The following GLRA3 variants were observed in gnomAD, a reference collection of about 807,000 sequenced individuals.
GLRA3 encodes the protein glycine receptor alpha 3.
Under a neutral mutation model 60.4 loss-of-function variants are expected in GLRA3, and 44 were observed. The ratio of observed to expected loss-of-function variants is 0.73; its 90% CI spans 0.57 to 0.94. GLRA3 has a LOEUF of 0.94. Ranked by LOEUF, GLRA3 falls within the 40% of genes least tolerant of loss-of-function variation. The pLI, the probability that GLRA3 is intolerant of heterozygous loss-of-function variation, is 0.00. For synonymous variants in GLRA3, 223 were observed against 192.9 expected (o/e 1.16, Z -1.29); for missense variants, 508 against 564.6 (o/e 0.90, Z 1.02).
At chr4:174,778,817 T>A (rs1579592001) in intron 2 of GLRA3, among the ~76,000 whole-genome samples, 1 of 152,078 alleles carries the variant, frequency 6.6e-6, no homozygotes, top group South Asian at 2.1e-4. Context: ...GCTTGGAGGG[T>A]CCTACCCCAC....
intron 5 of GLRA3, 72 bp downstream of exon 5, chr4:174,715,416 C>T (rs912358729): frequency 9.6e-6 from 7 of 731,880 alleles, no homozygotes; most frequent in African/African-American, 9.0e-5. Context: ...ATAAATTATC[C>T]ATATTAGGCA....
intron 7 of GLRA3, among the ~76,000 whole-genome samples, chr4:174,662,120 C>G (rs1733471004): frequency 6.6e-6 from 1 of 152,074 alleles, no homozygotes; most frequent in Non-Finnish European, 1.5e-5. Context: ...TGCATATATT[C>G]CAGAGTTAAG....
intron 1 of GLRA3, among the ~76,000 whole-genome samples, chr4:174,819,024 T>C (rs965448773): frequency 6.6e-6 from 1 of 152,204 alleles, no homozygotes; most frequent in African/African-American, 2.4e-5. Context: ...ATCACTTGTT[T>C]ATAAAATCAA....
chr4:174,813,147 G>T (rs1740337153), intron 1 of GLRA3, among the ~76,000 whole-genome samples: 1 of 152,070 alleles, frequency 6.6e-6, no homozygotes, highest in Non-Finnish European at 1.5e-5. Flanking sequence ...TCAAATGTCT[G>T]AATTTGTTTC....
chr4:174,652,054 A>G (rs866027765), intron 9 of GLRA3, among the ~76,000 whole-genome samples: 4 of 152,048 alleles, frequency 2.6e-5, no homozygotes, highest in Middle Eastern at 3.2e-3. Flanking sequence ...AATTTTAAGC[A>G]TGGATGAAGC....
At chr4:174,711,443 A>AT (rs1234682915) in intron 5 of GLRA3, among the ~76,000 whole-genome samples, 1 of 107,564 alleles carries the variant, frequency 9.3e-6, no homozygotes, top group African/African-American at 2.9e-5. Context: ...ATATATATAT[A>AT]TATTTTTTTT....
At chr4:174,752,182 C>T (rs1395915133) in intron 3 of GLRA3, among the ~76,000 whole-genome samples, 1 of 152,018 alleles carries the variant, frequency 6.6e-6, no homozygotes, top group African/African-American at 2.4e-5. Flanking sequence ...TCTTGAGATG[C>T]ATATATAACA....
chr4:174,743,912 C>A (rs1737125108), intron 3 of GLRA3, among the ~76,000 whole-genome samples: 1 of 150,994 alleles, frequency 6.6e-6, no homozygotes, highest in Admixed American at 6.6e-5. Flanking sequence ...GACCCCCTCT[C>A]TTGATCCATA....
chr4:174,750,714 C>G (rs1203152752), intron 3 of GLRA3, among the ~76,000 whole-genome samples: 1 of 152,028 alleles, frequency 6.6e-6, no homozygotes, highest in Non-Finnish European at 1.5e-5. Context: ...ATAAATGGAG[C>G]AGCTTTGGAG....
intron 1 of GLRA3, among the ~76,000 whole-genome samples, chr4:174,802,862 CTTGATA>C (rs1163601974): frequency 1.3e-5 from 2 of 152,054 alleles, no homozygotes; most frequent in African/African-American, 4.8e-5. Flanking sequence ...TTTAACCAGG[CTTGATA>C]TTGCAGTAGT....
intron 3 of GLRA3, among the ~76,000 whole-genome samples, chr4:174,738,180 C>T (rs752914078): frequency 6.6e-6 from 1 of 152,128 alleles, no homozygotes; most frequent in Admixed American, 6.6e-5. Flanking sequence ...AATATTGCTG[C>T]CTCATTTAGG....
chr4:174,734,290 G>C (rs1429271992), intron 3 of GLRA3, among the ~76,000 whole-genome samples: 1 of 152,132 alleles, frequency 6.6e-6, no homozygotes, highest in Non-Finnish European at 1.5e-5. Context: ...CCATGCGTCA[G>C]GAAGCACAGA....
chr4:174,755,164 A>G (rs12502189), intron 3 of GLRA3, among the ~76,000 whole-genome samples: 143,912 of 152,124 alleles, frequency 0.95, 68,572 homozygotes, highest in East Asian at 1. Flanking sequence ...TTGTGTCAAG[A>G]ACACATAATG....
intron 3 of GLRA3, among the ~76,000 whole-genome samples, chr4:174,729,500 A>C (rs1265088424): frequency 1.3e-5 from 2 of 152,232 alleles, no homozygotes; most frequent in Non-Finnish European, 2.9e-5. Flanking sequence ...ATTTGGCTAA[A>C]GAGATTTCCC....
At chr4:174,684,832 A>G (rs1202985755) in intron 5 of GLRA3, among the ~76,000 whole-genome samples, 2 of 152,180 alleles carry the variant, frequency 1.3e-5, no homozygotes, top group Non-Finnish European at 2.9e-5. Flanking sequence ...ACATGGTGAA[A>G]GCCCGTTTCT....
intron 3 of GLRA3, among the ~76,000 whole-genome samples, chr4:174,750,255 G>A (rs1737414460): frequency 6.6e-6 from 1 of 152,108 alleles, no homozygotes; most frequent in Admixed American, 6.6e-5. Context: ...GATTGCTATA[G>A]GTGTGTTTAC....
chr4:174,687,784 G>C (rs1488993892), intron 5 of GLRA3, among the ~76,000 whole-genome samples: 1 of 151,926 alleles, frequency 6.6e-6, no homozygotes, highest in Non-Finnish European at 1.5e-5. Context: ...TGTGTCAGCT[G>C]TTTGGAAGAT....
intron 5 of GLRA3, among the ~76,000 whole-genome samples, chr4:174,699,845 ATAAT>A (rs1390173960): frequency 3.3e-5 from 5 of 150,868 alleles, no homozygotes; most frequent in Non-Finnish European, 5.9e-5. Context: ...TTATTAATTA[ATAAT>A]TAATGCATTA....
In GLRA3 at chr4:174,638,563, T is replaced by A. The variant is rs1271054212; in HGVS notation, c.*5223A>T. 4 of 152,400 alleles carry A rather than the reference T, an allele frequency of 2.6e-5. No homozygotes were observed. Among genetic ancestry groups the A allele is most frequent in the Admixed American group, 2.6e-4 (4 of 15,298 alleles). 9.4% of individuals were successfully genotyped at this position (152,400 alleles called of 1,614,324 possible). A position where few individuals can be genotyped will look rare whatever the true frequency, so the allele number is the denominator to read the frequency against. The stretch of plus-strand genomic sequence containing the variant: ...TGACTGCCTCGGCCTCCCAAAGTGC[T>A]GGGATTACAGGCGTGAGCCACCTGG... On this transcript the variant is annotated 3_prime_UTR_variant, in exon 10 of 10. Coordinates refer to ENST00000274093, the MANE Select transcript of GLRA3 (RefSeq NM_006529.4).
Sources: gnomAD v4.1 joint callset for allele counts (sites outside exome capture counted in the v4.1 genomes callset) on GRCh38, gnomAD v4.1.1 for gene constraint, MANE v1.5 for transcripts, NCBI Gene and HGNC (gene_info 2026-07-23, HGNC 2026-07-21) for gene names.